The following NHS variants were observed in gnomAD, a reference collection of about 807,000 sequenced individuals.
NHS encodes the protein actin remodeling regulator NHS.
NHS carries 5 observed loss-of-function variants against 72.5 expected under a neutral mutation model. The observed-to-expected ratio is 0.07, with a 90% confidence interval of 0.04 to 0.14. The LOEUF (loss-of-function observed/expected upper bound fraction) is 0.14, where lower values mean the gene tolerates loss of function less well. NHS is among the 10% of genes least tolerant of loss of function. The pLI is 1.00. For missense variants in NHS, 1,072 were observed against 1,355.7 expected, an observed-to-expected ratio of 0.79 and a Z score of 3.29; for synonymous variants, 464 against 547.7, an observed-to-expected ratio of 0.85 and a Z score of 2.13.
intron 3 of NHS, among the ~76,000 whole-genome samples, chrX:17,702,505 G>T (rs938188432): frequency 9.0e-6 from 1 of 110,590 alleles, no homozygotes. Flanking sequence ...TGGCCAACAC[G>T]GTGAAACCCC....
chrX:17,520,661 G>T (rs1767215781), intron 1 of NHS, among the ~76,000 whole-genome samples: 1 of 111,792 alleles, frequency 8.9e-6, no homozygotes, highest in Non-Finnish European at 1.9e-5. Context: ...AGCATGATTG[G>T]GAAGTAGAAA....
intron 1 of NHS, among the ~76,000 whole-genome samples, chrX:17,652,856 G>A (rs2065936742): frequency 9.0e-6 from 1 of 111,271 alleles, no homozygotes; most frequent in South Asian, 3.8e-4. Flanking sequence ...CCGAAAATAT[G>A]TATAATTATT....
chrX:17,655,405 G>C (rs965885194), intron 1 of NHS, among the ~76,000 whole-genome samples: 25 of 112,470 alleles, frequency 2.2e-4, no homozygotes, highest in Admixed American at 1.8e-3. Flanking sequence ...CAAGAAATCC[G>C]GATCCGGGAT....
At chrX:17,689,040 T>C (rs1310998582) in intron 2 of NHS, among the ~76,000 whole-genome samples, 1 of 112,482 alleles carries the variant, frequency 8.9e-6, no homozygotes, top group African/African-American at 3.2e-5. Flanking sequence ...TTTGCAAAAG[T>C]ATTAAAATGC....
chrX:17,581,855 G>A (rs2065545688), intron 1 of NHS, among the ~76,000 whole-genome samples: 1 of 111,980 alleles, frequency 8.9e-6, no homozygotes, highest in Non-Finnish European at 1.9e-5. Context: ...GCTGCTTGAT[G>A]TAGGACAGTC....
intron 1 of NHS, among the ~76,000 whole-genome samples, chrX:17,615,365 A>G (rs2065739957): frequency 9.8e-6 from 1 of 102,497 alleles, no homozygotes; most frequent in Non-Finnish European, 2.0e-5. Flanking sequence ...TGATCCTCCC[A>G]CCTCAGCCTT....
rs540884064 is a variant in NHS, at chrX:17,423,050, G to A, written c.565+46728G>A. ...AGAAATTCTAAGACCACCACAGTTT[G>A]GAACCATGCCTTGAGTAATAGGCCT... On this transcript the variant is annotated intron_variant, in intron 1 of 8. Coordinates refer to ENST00000676302, the MANE Select transcript of NHS (RefSeq NM_001291867.2). Among the ~76,000 whole-genome samples, 280 of 112,062 alleles carry A rather than the reference G, an allele frequency of 2.5e-3. 7 individuals carry two copies. The South Asian group carries it at 0.1, about 41-fold the overall frequency.
chrX:17,448,373 T>G (rs1169137998), intron 1 of NHS, among the ~76,000 whole-genome samples: 1 of 112,181 alleles, frequency 8.9e-6, no homozygotes, highest in African/African-American at 3.2e-5. Flanking sequence ...TCAACAGAAT[T>G]TGTAAGATGA....
chrX:17,695,811 A>G (rs1347704989), intron 3 of NHS, among the ~76,000 whole-genome samples: 4 of 110,640 alleles, frequency 3.6e-5, no homozygotes, highest in Non-Finnish European at 7.6e-5. Context: ...AATTTAGCAT[A>G]AAACCCTAAA....
chrX:17,725,204 A>G, intron 6 of NHS, 143 bp from the exon 7 acceptor site: 2 of 503,198 alleles, frequency 4.0e-6, no homozygotes, highest in Non-Finnish European at 6.7e-6. Flanking sequence ...CTCTCACCTA[A>G]TTCTATATAT....
chrX:17,526,857 GTTA>G (rs914685374), intron 1 of NHS, among the ~76,000 whole-genome samples: 4 of 112,486 alleles, frequency 3.6e-5, no homozygotes, highest in African/African-American at 1.3e-4. Context: ...AAATGTTGCT[GTTA>G]TTATTATCAT....
chrX:17,506,856 A>C (rs771625242), intron 1 of NHS, among the ~76,000 whole-genome samples: 15 of 111,786 alleles, frequency 1.3e-4, no homozygotes, highest in Non-Finnish European at 2.4e-4. Context: ...GATTTTGTTA[A>C]GTAGATGTAG....
chrX:17,538,433 C>T (rs764339010), intron 1 of NHS, among the ~76,000 whole-genome samples: 1 of 111,624 alleles, frequency 9.0e-6, no homozygotes, highest in Non-Finnish European at 1.9e-5. Flanking sequence ...AGGCTCCCAG[C>T]GTGGGCAATT....
intron 1 of NHS, among the ~76,000 whole-genome samples, chrX:17,464,823 C>A (rs1321384531): frequency 8.9e-6 from 1 of 111,910 alleles, no homozygotes; most frequent in South Asian, 3.7e-4. Context: ...TGCCTCATGT[C>A]CCCATATATA....
chrX:17,430,361 T>TCTTTCTTTCTTTCTTTTTC (rs1201406219), intron 1 of NHS, among the ~76,000 whole-genome samples: 8 of 95,216 alleles, frequency 8.4e-5, no homozygotes, highest in African/African-American at 3.3e-4. Flanking sequence ...CTTTTTCTTC[T>TCTTTCTTTCTTTCTTTTTC]TTCTTTCTTT....
chrX:17,602,834 ATTT>A (rs34067989), intron 1 of NHS, among the ~76,000 whole-genome samples: 917 of 83,257 alleles, frequency 0.011, 30 homozygotes, highest in Admixed American at 0.069. Flanking sequence ...CACAACTACA[ATTT>A]TTTTTTTTTT....
intron 1 of NHS, among the ~76,000 whole-genome samples, chrX:17,581,443 G>A (rs971349027): frequency 9.0e-6 from 1 of 111,392 alleles, no homozygotes; most frequent in Non-Finnish European, 1.9e-5. Flanking sequence ...AGACACAGGG[G>A]CCACTGCAGA....
chrX:17,578,097 A>G (rs5955611), intron 1 of NHS, among the ~76,000 whole-genome samples: 6,638 of 112,109 alleles, frequency 0.059, 445 homozygotes, highest in African/African-American at 0.2. Context: ...TGTTTGTTAA[A>G]TATGTAGTAA....
intron 1 of NHS, among the ~76,000 whole-genome samples, chrX:17,389,009 A>G (rs2064425460): frequency 1.8e-5 from 2 of 111,585 alleles, no homozygotes; most frequent in Non-Finnish European, 3.8e-5. Context: ...ACTCTGCCAG[A>G]CTTGCTCCAG....
Sources: gnomAD v4.1 joint callset for allele counts (sites outside exome capture counted in the v4.1 genomes callset) on GRCh38, gnomAD v4.1.1 for gene constraint, MANE v1.5 for transcripts, NCBI Gene and HGNC (gene_info 2026-07-23, HGNC 2026-07-21) for gene names.